Variants in KCNQ1 observed in about 807,000 individuals in gnomAD.
KCNQ1 encodes potassium voltage-gated channel subfamily Q member 1.
A neutral mutation model predicts 72.4 loss-of-function variants in KCNQ1; 49 were observed. The observed-to-expected ratio is 0.68, with a 90% CI of 0.54 to 0.86. KCNQ1 has a LOEUF of 0.86. Among genes scored for constraint, KCNQ1 ranks in the 40% least tolerant of loss-of-function variants. KCNQ1 has a pLI of 0.00. For missense variants in KCNQ1, 790 were observed against 945.1 expected, an observed-to-expected ratio of 0.84 and a Z score of 2.15; for synonymous variants, 450 against 412.6, an observed-to-expected ratio of 1.09 and a Z score of -1.10.
chr11:2,651,154 C>G lies in KCNQ1; in HGVS notation c.1394-10807C>G, dbSNP rs767976684. Reference sequence around the variant, plus strand: ...AGCTCAAGGGAGTTCTTTAAATGTACAGTGGATCTTGCTGCTTCCCTACTC... The same window carrying G: ...AGCTCAAGGGAGTTCTTTAAATGTAGAGTGGATCTTGCTGCTTCCCTACTC... On this transcript the variant is annotated intron_variant, in intron 10 of 15. Transcript: ENST00000155840. The surrounding 1 kb of genome is among the most constrained non-coding windows in gnomAD (Gnocchi z 6.1). 4 of 398,572 alleles carry G rather than the reference C, an allele frequency of 1.0e-5. No homozygotes were observed. Among genetic ancestry groups the G allele is most frequent in the African/African-American group, 2.1e-5 (1 of 48,626 alleles). 24.7% of individuals were successfully genotyped at this position (398,572 alleles called of 1,614,324 possible).
rs1477534041 is a variant in KCNQ1, at chr11:2,579,370, G to A, written c.922-4065G>A. Among the ~76,000 whole-genome samples the A allele has an allele frequency of 6.6e-6, 1 of 152,146 alleles. No homozygotes were observed. Among genetic ancestry groups the A allele is most frequent in the Admixed American group, 6.5e-5 (1 of 15,282 alleles). On this transcript the variant is annotated intron_variant, in intron 6 of 15. Transcript: ENST00000155840. This position sits in a 1 kb window ranked among gnomAD's most constrained non-coding sequence, Gnocchi z 6.0. ...CCAGTGGGGTGTGCGTTCCCCGCTC[G>A]CCCCCACAGTTCCTGCCATGGGCGT... is the stretch of plus-strand genomic sequence containing the variant.
In KCNQ1 at chr11:2,477,304, TG is replaced by T. The variant is rs571659192; in HGVS notation, c.386+31823del. 1.5e-3 allele frequency among the ~76,000 whole-genome samples: 227 copies of T among 152,276 alleles called. 1 individual carries two copies. Among genetic ancestry groups the T allele is most frequent in the African/African-American group, 5.2e-3 (215 of 41,556 alleles). On this transcript the variant is annotated intron_variant, in intron 1 of 15. Coordinates refer to ENST00000155840, the MANE Select transcript of KCNQ1 (RefSeq NM_000218.3). The surrounding 1 kb of genome is among the most constrained non-coding windows in gnomAD (Gnocchi z 5.0). Reference sequence around the variant, plus strand: ...CCGTATGTTTGAACAATTTTTAATGTGGGATCAAAGGTAGGAAATGCTCTTT... The same window carrying T: ...CCGTATGTTTGAACAATTTTTAATGTGGATCAAAGGTAGGAAATGCTCTTT...
At position 2,626,081 on chromosome 11, in the gene KCNQ1, A is replaced by G; in HGVS notation, c.1394-35880A>G. ...TTACTTTTATTGCCTGTGCAAGTAC[A>G]ATTTATCTATTTTTACTTTTATTGC... is the stretch of plus-strand genomic sequence containing the variant. On this transcript the variant is annotated intron_variant, in intron 10 of 15. Coordinates refer to ENST00000155840, the MANE Select transcript of KCNQ1 (RefSeq NM_000218.3). This position sits in a 1 kb window ranked among gnomAD's most constrained non-coding sequence, Gnocchi z 4.0. 1 of 398,554 alleles carries G rather than the reference A, an allele frequency of 2.5e-6. No homozygotes were observed. Among genetic ancestry groups the G allele is most frequent in the Non-Finnish European group, 4.4e-6 (1 of 226,058 alleles). 24.7% of individuals were successfully genotyped at this position (398,554 alleles called of 1,614,324 possible). A position where few individuals can be genotyped will look rare whatever the true frequency, so the allele number is the denominator to read the frequency against.
Position 2,621,827 on chromosome 11 carries a change from T to G in KCNQ1, c.1393+32973T>G. 2.5e-6 allele frequency: 1 copy of G among 398,362 alleles called. No individual in the cohort carries two copies. Among genetic ancestry groups the G allele is most frequent in the Non-Finnish European group, 4.4e-6 (1 of 225,944 alleles). 24.7% of individuals were successfully genotyped at this position (398,362 alleles called of 1,614,324 possible). ...CAATTCTTTGTTTCAAAAATTGAAG[T>G]CTTAGTTTTACTGACTTTTTTCCCC... is the stretch of plus-strand genomic sequence containing the variant. On this transcript the variant is annotated intron_variant, in intron 10 of 15. Coordinates refer to ENST00000155840, the MANE Select transcript of KCNQ1 (RefSeq NM_000218.3). This position sits in a 1 kb window ranked among gnomAD's most constrained non-coding sequence, Gnocchi z 5.7.
chr11:2,612,114 G>A lies in KCNQ1; in HGVS notation c.1393+23260G>A. The A allele has an allele frequency of 2.5e-6, 1 of 398,620 alleles. No homozygotes were observed. The highest frequency in any genetic ancestry group is 4.4e-6 in the Non-Finnish European group (1 of 226,060). 24.7% of individuals were successfully genotyped at this position (398,620 alleles called of 1,614,324 possible). On this transcript the variant is annotated intron_variant, in intron 10 of 15. Transcript: ENST00000155840. The surrounding 1 kb of genome is among the most constrained non-coding windows in gnomAD (Gnocchi z 5.5). ...GTTAGGACAGGGGTTCCCAACCCCA[G>A]GGCCATGGACTGGTACCAGTCTGTG...
chr11:2,665,394 C>T (rs1850048967), intron 11 of KCNQ1: 2 of 397,958 alleles, frequency 5.0e-6, no homozygotes, highest in Middle Eastern at 6.2e-4. Context: ...ACCCCAAGAG[C>T]CAGGATGAGT....
In KCNQ1 at chr11:2,669,805, G is replaced by C; in HGVS notation, c.1514+7724G>C. On this transcript the variant is annotated intron_variant, in intron 11 of 15. Coordinates refer to ENST00000155840, the MANE Select transcript of KCNQ1 (RefSeq NM_000218.3). The surrounding 1 kb of genome is among the most constrained non-coding windows in gnomAD (Gnocchi z 5.6). ...TGGGGACATTCCTTATTTGGCCTGA[G>C]AGCTTTTGAGACTGCCAGGTCATGA... 2.5e-6 allele frequency: 1 copy of C among 398,638 alleles called. No homozygotes were observed. The highest frequency in any genetic ancestry group is 4.4e-6 in the Non-Finnish European group (1 of 226,086). 24.7% of individuals were successfully genotyped at this position (398,638 alleles called of 1,614,324 possible). A position where few individuals can be genotyped will look rare whatever the true frequency, so the allele number is the denominator to read the frequency against.
rs906872643 is a variant in KCNQ1 at position 2,690,928 on chromosome 11, G to A, written c.1514+28847G>A. On this transcript the variant is annotated intron_variant, in intron 11 of 15. Transcript: ENST00000155840. The surrounding 1 kb of genome is among the most constrained non-coding windows in gnomAD (Gnocchi z 5.1). ...CATGTGTAGGTCCCAGCGGCTTTAA[G>A]CCAACCTGAAAGGTTCATTTGGGAG... is the stretch of plus-strand genomic sequence containing the variant. The A allele has an allele frequency of 5.0e-5, 20 of 398,406 alleles. No homozygotes were observed. The highest frequency in any genetic ancestry group is 8.8e-5 in the Non-Finnish European group (20 of 226,052). The allele number at this position is 398,406 out of a possible 1,614,324, so 24.7% of individuals were successfully genotyped here.
intron 15 of KCNQ1, among the ~76,000 whole-genome samples, chr11:2,800,541 T>C (rs1241607064): frequency 6.6e-6 from 1 of 151,302 alleles, no homozygotes; most frequent in Non-Finnish European, 1.5e-5. Context: ...GCCCAGGGAG[T>C]GGGGGAAGGG....
At chr11:2,807,472 A>C (rs369120180) in intron 15 of KCNQ1, among the ~76,000 whole-genome samples, 1 of 152,164 alleles carries the variant, frequency 6.6e-6, no homozygotes, top group African/African-American at 2.4e-5. Context: ...GCCCGGGGCC[A>C]GCGCGATGTC....
intron 10 of KCNQ1, among the ~76,000 whole-genome samples, chr11:2,590,251 G>A (rs375995558): frequency 7.9e-5 from 12 of 152,300 alleles, no homozygotes; most frequent in East Asian, 3.9e-4. Context: ...CTAGTACCTC[G>A]TGCAAAGGTG....
intron 1 of KCNQ1, among the ~76,000 whole-genome samples, chr11:2,466,978 T>G (rs1846361250): frequency 6.6e-6 from 1 of 151,230 alleles, no homozygotes; most frequent in South Asian, 2.1e-4. Flanking sequence ...GGCTTTGGGG[T>G]GGGTTTGTGG....
chr11:2,553,612 C>G (rs189194453), intron 2 of KCNQ1, among the ~76,000 whole-genome samples: 2 of 152,176 alleles, frequency 1.3e-5, no homozygotes, highest in South Asian at 4.1e-4. Context: ...AATAGCAAAG[C>G]AAACTTGCTT....
At position 2,457,417 on chromosome 11, in the gene KCNQ1, G is replaced by A. The variant is rs568730210; in HGVS notation, c.386+11933G>A. Among the ~76,000 whole-genome samples the A allele has an allele frequency of 5.8e-4, 88 of 152,316 alleles. No individual in the cohort carries two copies. Among genetic ancestry groups the A allele is most frequent in the Middle Eastern group, 3.4e-3 (1 of 294 alleles). ...CAATGGTAGATCGAATAAAGCAAAT[G>A]TGATATATATACACCATGGAATACT... On this transcript the variant is annotated intron_variant, in intron 1 of 15. Transcript: ENST00000155840. This position sits in a 1 kb window ranked among gnomAD's most constrained non-coding sequence, Gnocchi z 5.0.
chr11:2,595,146 A>G lies in KCNQ1; in HGVS notation c.1393+6292A>G, dbSNP rs762405202. ...CCCAATCTCCTGTGAGAGCAAGTCT[A>G]AGTAACATATATTGAGAAGAGAGTT... On this transcript the variant is annotated intron_variant, in intron 10 of 15. Coordinates refer to ENST00000155840, the MANE Select transcript of KCNQ1 (RefSeq NM_000218.3). The surrounding 1 kb of genome is among the most constrained non-coding windows in gnomAD (Gnocchi z 5.0). Among the ~76,000 whole-genome samples, 1 of 152,198 alleles carries G rather than the reference A, an allele frequency of 6.6e-6. No individual in the cohort carries two copies. Among genetic ancestry groups the G allele is most frequent in the Non-Finnish European group, 1.5e-5 (1 of 68,036 alleles).
At chr11:2,524,845 A>G (rs569847680) in intron 1 of KCNQ1, among the ~76,000 whole-genome samples, 16 of 152,098 alleles carry the variant, frequency 1.1e-4, no homozygotes, top group African/African-American at 3.6e-4. Flanking sequence ...TGGGCACTGC[A>G]TCTCCATGTG....
At chr11:2,708,868 A>G (rs1309582281) in intron 11 of KCNQ1, among the ~76,000 whole-genome samples, 1 of 152,058 alleles carries the variant, frequency 6.6e-6, no homozygotes, top group African/African-American at 2.4e-5. Context: ...GTGCGAGAAC[A>G]TGGCTGGATT....
intron 11 of KCNQ1, chr11:2,693,487 A>G (rs1850622795): frequency 2.5e-6 from 1 of 398,688 alleles, no homozygotes; most frequent in Non-Finnish European, 4.4e-6. Flanking sequence ...AATTAGCAGG[A>G]GAAAGGCCTT....
chr11:2,730,306 C>T (rs923518680), intron 11 of KCNQ1, among the ~76,000 whole-genome samples: 5 of 152,234 alleles, frequency 3.3e-5, no homozygotes, highest in African/African-American at 9.6e-5. Context: ...TGAATTCCCA[C>T]AAACTTAGTG....
Sources: allele counts gnomAD v4.1 joint callset (sites outside exome capture counted in the v4.1 genomes callset), GRCh38; gene constraint gnomAD v4.1.1; non-coding constraint Gnocchi (gnomAD v3.1); transcripts MANE v1.5; gene names NCBI Gene and HGNC (gene_info 2026-07-23, HGNC 2026-07-21).